CYP27C1: variants seen among roughly 807,000 people sequenced by gnomAD.
CYP27C1 encodes cytochrome P450 family 27 subfamily C member 1.
CYP27C1 carries 29 observed loss-of-function variants against 40.6 expected under a neutral mutation model. That is an observed-to-expected ratio of 0.71 (90% CI 0.53 to 0.97). The LOEUF is 0.97. Among genes scored for constraint, CYP27C1 ranks in the 50% least tolerant of loss-of-function variants. The probability of loss-of-function intolerance (pLI) is 0.00; values close to 1 mark genes in which losing one functional copy is unlikely to be tolerated. For missense variants in CYP27C1, 390 were observed against 485.8 expected (o/e 0.80, Z 1.85); for synonymous variants, 198 against 186.8 (o/e 1.06, Z -0.49).
At position 127,201,785 on chromosome 2, in the gene CYP27C1, C is replaced by G. The variant is rs1228382849; in HGVS notation, c.674-454G>C. On this transcript the variant is annotated intron_variant, in intron 3 of 8. Coordinates refer to ENST00000664447, the MANE Select transcript of CYP27C1 (RefSeq NM_001367502.1). This position sits in a 1 kb window ranked among gnomAD's most constrained non-coding sequence, Gnocchi z 6.0. ...CATGGCCTCTCCCTGCCCCACCTGG[C>G]CACTGGGGATCGCCTTCCAGCCACT... is the stretch of plus-strand genomic sequence containing the variant. Among the ~76,000 whole-genome samples, 1 of 152,152 alleles carries G rather than the reference C, an allele frequency of 6.6e-6. No homozygotes were observed. Among genetic ancestry groups the G allele is most frequent in the Admixed American group, 6.5e-5 (1 of 15,274 alleles).
intron 6 of CYP27C1, among the ~76,000 whole-genome samples, chr2:127,194,129 T>A (rs1222048505): frequency 6.6e-6 from 1 of 152,202 alleles, no homozygotes; most frequent in Admixed American, 6.5e-5. Flanking sequence ...TCACATGCCA[T>A]TGTGTTCCCA....
At chr2:127,205,113 A>C (rs1310830738) in intron 2 of CYP27C1, among the ~76,000 whole-genome samples, 3 of 152,196 alleles carry the variant, frequency 2.0e-5, no homozygotes, top group Non-Finnish European at 2.9e-5. Flanking sequence ...CCTGCAGCTA[A>C]CGGGGCAGAC....
chr2:127,206,832 A>T (rs1046139069), intron 1 of CYP27C1, among the ~76,000 whole-genome samples: 1 of 152,154 alleles, frequency 6.6e-6, no homozygotes, highest in Non-Finnish European at 1.5e-5. Flanking sequence ...CAAGAAAATG[A>T]AGGAAAAGAC....
chr2:127,204,547 G>C (rs1333753770), intron 2 of CYP27C1, among the ~76,000 whole-genome samples: 1 of 64,806 alleles, frequency 1.5e-5, no homozygotes, highest in African/African-American at 6.3e-5. Flanking sequence ...GAGAGAGAGA[G>C]AGAGAGAGAG....
intron 1 of CYP27C1, among the ~76,000 whole-genome samples, chr2:127,216,182 C>T (rs1683426661): frequency 6.6e-6 from 1 of 152,200 alleles, no homozygotes; most frequent in Non-Finnish European, 1.5e-5. Flanking sequence ...AACAGTTCCA[C>T]TCCTAGATAC....
intron 5 of CYP27C1, among the ~76,000 whole-genome samples, chr2:127,197,705 C>T (rs768509928): frequency 1.8e-4 from 27 of 152,228 alleles, no homozygotes; most frequent in Non-Finnish European, 1.2e-4. Flanking sequence ...ATCTTCCACC[C>T]ACTGAAAGCA....
rs1219161098 is a variant in CYP27C1, at chr2:127,205,863, CT to C, written c.473+36del. On this transcript the variant is annotated intron_variant, in intron 2 of 8. Transcript: ENST00000664447. ...GAGGGGGCCTCCCCCTGAGCTCCCCCTCCAGCCCGTGGCTCAGCCCGGGCCC... is the reference window on the plus strand; with the variant it reads ...GAGGGGGCCTCCCCCTGAGCTCCCCCCCAGCCCGTGGCTCAGCCCGGGCCC... 4.1e-5 allele frequency: 25 copies of C among 609,542 alleles called. No individual in the cohort carries two copies. In the East Asian group the frequency reaches 2.1e-3, roughly 52 times the overall value. The allele number at this position is 609,542 out of a possible 1,614,324, so 37.8% of individuals were successfully genotyped here. A position where few individuals can be genotyped will look rare whatever the true frequency, so the allele number is the denominator to read the frequency against.
intron 8 of CYP27C1, among the ~76,000 whole-genome samples, chr2:127,188,707 C>A (rs1222088373): frequency 6.8e-6 from 1 of 147,280 alleles, no homozygotes; most frequent in Non-Finnish European, 1.5e-5. Context: ...CAGAACCAGC[C>A]CTGCCTCCCA....
chr2:127,216,635 T>C (rs1683436053), intron 1 of CYP27C1, among the ~76,000 whole-genome samples: 1 of 152,210 alleles, frequency 6.6e-6, no homozygotes, highest in Admixed American at 6.5e-5. Flanking sequence ...CGGTGATGGT[T>C]GTATACTTCA....
intron 8 of CYP27C1, among the ~76,000 whole-genome samples, chr2:127,192,621 G>A (rs898577003): frequency 2.0e-4 from 3 of 15,094 alleles, no homozygotes; most frequent in Admixed American, 8.5e-4. Context: ...GCCTTTCCCG[G>A]GGGGGGGGGC....
At chr2:127,199,338 C>A in intron 5 of CYP27C1, 38 bp downstream of exon 5, 1 of 1,605,986 alleles carries the variant, frequency 6.2e-7, no homozygotes, top group Non-Finnish European at 8.5e-7. Flanking sequence ...AAGGGGTTAT[C>A]GTGTGTTGCT....
intron 1 of CYP27C1, among the ~76,000 whole-genome samples, chr2:127,212,069 A>C (rs1260968356): frequency 6.6e-6 from 1 of 152,238 alleles, no homozygotes; most frequent in Non-Finnish European, 1.5e-5. Context: ...AAAATCTAGA[A>C]GAAATGGATA....
At chr2:127,215,532 C>T (rs1683415486) in intron 1 of CYP27C1, among the ~76,000 whole-genome samples, 1 of 152,056 alleles carries the variant, frequency 6.6e-6, no homozygotes, top group Non-Finnish European at 1.5e-5. Context: ...AATAGGACTT[C>T]ATCAAAATTT....
chr2:127,196,499 G>A lies in CYP27C1; in HGVS notation c.1048-998C>T, dbSNP rs1682907751. 6.6e-6 allele frequency among the ~76,000 whole-genome samples: 1 copy of A among 150,754 alleles called. No homozygotes were observed. The highest frequency in any genetic ancestry group is 2.5e-5 in the African/African-American group (1 of 40,810). On this transcript the variant is annotated intron_variant, in intron 5 of 8. Transcript: ENST00000664447. This position sits in a 1 kb window ranked among gnomAD's most constrained non-coding sequence, Gnocchi z 4.5. ...TACATTTCACTCTCTAGTAAACAAG[G>A]AAATGCCACAGTATAAAGGCCTTTC...
At chr2:127,204,387 GAAAA>G (rs1380144881) in intron 2 of CYP27C1, among the ~76,000 whole-genome samples, 2 of 107,046 alleles carry the variant, frequency 1.9e-5, no homozygotes, top group Non-Finnish European at 3.9e-5. Flanking sequence ...GAGAAAGAAA[GAAAA>G]GAAAGAGAGA....
In CYP27C1 at chr2:127,219,596, G is replaced by A. The variant is rs1228780407; in HGVS notation, c.282+393C>T. ...CCCCTCCAGGGGACCCCTCCCTGCC[G>A]CCACCTCCCGAGACACCCATTTCCC... On this transcript the variant is annotated intron_variant, in intron 1 of 8. Transcript: ENST00000664447. This position sits in a 1 kb window ranked among gnomAD's most constrained non-coding sequence, Gnocchi z 8.7. Among the ~76,000 whole-genome samples, 1 of 149,766 alleles carries A rather than the reference G, an allele frequency of 6.7e-6. No individual in the cohort carries two copies. Among genetic ancestry groups the A allele is most frequent in the African/African-American group, 2.5e-5 (1 of 40,500 alleles).
At chr2:127,190,342 C>CTTTTTTTTTTTT (rs1241035422) in intron 8 of CYP27C1, among the ~76,000 whole-genome samples, 14 of 96,632 alleles carry the variant, frequency 1.4e-4, no homozygotes, top group Admixed American at 4.4e-4. Context: ...TTTTTTTTTT[C>CTTTTTTTTTTTT]TTTTTTTTTT....
rs970379306 is a variant in CYP27C1, at chr2:127,200,992, T to C, written c.883+130A>G. ...AAAAAAAAAATCCAAAAGTTATGGG[T>C]CCAAAAACTAACACGTGACTACATC... On this transcript the variant is annotated intron_variant, in intron 4 of 8. Transcript: ENST00000664447. The surrounding 1 kb of genome is among the most constrained non-coding windows in gnomAD (Gnocchi z 4.2). 3 of 925,618 alleles carry C rather than the reference T, an allele frequency of 3.2e-6. No individual in the cohort carries two copies. Among genetic ancestry groups the C allele is most frequent in the Non-Finnish European group, 4.9e-6 (3 of 611,782 alleles). The allele number at this position is 925,618 out of a possible 1,614,324, so 57.3% of individuals were successfully genotyped here. A position where few individuals can be genotyped will look rare whatever the true frequency, so the allele number is the denominator to read the frequency against.
chr2:127,193,427 C>T, intron 7 of CYP27C1, 130 bp from the exon 8 acceptor site: 1 of 987,606 alleles, frequency 1.0e-6, no homozygotes, highest in Non-Finnish European at 1.5e-6. Context: ...TCCACTCACA[C>T]CCAGGATGGC....
Sources: allele counts gnomAD v4.1 joint callset (sites outside exome capture counted in the v4.1 genomes callset), GRCh38; gene constraint gnomAD v4.1.1; non-coding constraint Gnocchi (gnomAD v3.1); transcripts MANE v1.5; gene names NCBI Gene and HGNC (gene_info 2026-07-23, HGNC 2026-07-21).